The following USP37 variants were observed in gnomAD, a reference collection of about 807,000 sequenced individuals.
The protein encoded by USP37 is ubiquitin carboxyl-terminal hydrolase 37.
USP37 carries 27 observed loss-of-function variants against 124.0 expected under a neutral mutation model. The observed-to-expected ratio is 0.22, with a 90% CI of 0.16 to 0.30. USP37 has a LOEUF of 0.30. Ranked by LOEUF, USP37 falls within the 10% of genes least tolerant of loss-of-function variation. The probability of loss-of-function intolerance (pLI) is 1.00; values close to 1 mark genes in which losing one functional copy is unlikely to be tolerated. For synonymous variants in USP37, 365 were observed against 388.0 expected (o/e 0.94, Z 0.70); for missense variants, 889 against 1,140.4 (o/e 0.78, Z 3.17).
At chr2:218,560,394 C>A (rs1040479856) in intron 3 of USP37, among the ~76,000 whole-genome samples, 4 of 152,146 alleles carry the variant, frequency 2.6e-5, no homozygotes. Context: ...CATAAGTTTT[C>A]TCAACCACAA....
intron 11 of USP37, among the ~76,000 whole-genome samples, chr2:218,508,913 C>CT (rs1305421151): frequency 6.6e-6 from 1 of 152,132 alleles, no homozygotes; most frequent in Non-Finnish European, 1.5e-5. Flanking sequence ...AAAAGCAGTA[C>CT]TTTGAGTGAG....
intron 17 of USP37, among the ~76,000 whole-genome samples, chr2:218,480,398 C>CAAAAA (rs397868988): frequency 3.1e-4 from 15 of 48,854 alleles, no homozygotes; most frequent in Non-Finnish European, 3.4e-4. Flanking sequence ...GACTCCGTCT[C>CAAAAA]AAAAAAAAAA....
chr2:218,544,909 T>C (rs1307370083), intron 8 of USP37, among the ~76,000 whole-genome samples: 1 of 152,166 alleles, frequency 6.6e-6, no homozygotes, highest in Non-Finnish European at 1.5e-5. Context: ...TTAACATGCC[T>C]TTTAGTTTTT....
intron 8 of USP37, among the ~76,000 whole-genome samples, chr2:218,544,056 T>G (rs1168400535): frequency 1.3e-5 from 2 of 151,978 alleles, no homozygotes; most frequent in Non-Finnish European, 2.9e-5. Context: ...GTGACTTTTC[T>G]GCAAATTAGA....
chr2:218,486,035 C>T lies in USP37; in HGVS notation c.1591-292G>A, dbSNP rs535589480. 5.8e-4 allele frequency: 178 copies of T among 304,312 alleles called. 1 individual carries two copies. The highest frequency in any genetic ancestry group is 3.5e-3 in the African/African-American group (162 of 46,068). 18.9% of individuals were successfully genotyped at this position (304,312 alleles called of 1,614,324 possible). On this transcript the variant is annotated intron_variant, in intron 15 of 25. Coordinates refer to ENST00000258399, the MANE Select transcript of USP37 (RefSeq NM_020935.3). ...ATAGAAGATTCTTAGCCTTTTCAGC[C>T]TTTTCCCCATGGACACATATGAACC...
At chr2:218,564,483 C>G (rs1172732721) in intron 1 of USP37, among the ~76,000 whole-genome samples, 2 of 152,190 alleles carry the variant, frequency 1.3e-5, no homozygotes, top group African/African-American at 4.8e-5. Context: ...AGTTCATCCT[C>G]ATCAATGAAT....
intron 6 of USP37, among the ~76,000 whole-genome samples, chr2:218,547,497 C>T (rs897238302): frequency 6.8e-6 from 1 of 146,766 alleles, no homozygotes; most frequent in Non-Finnish European, 1.5e-5. Flanking sequence ...GAGCTTGACA[C>T]TTATTTTCCT....
Position 218,454,676 on chromosome 2 carries a change from T to A in USP37, c.*254A>T. On this transcript the variant is annotated 3_prime_UTR_variant, in exon 26 of 26. Transcript: ENST00000258399. ...CATACACAGATATATATTTACAACA[T>A]GTATTCCTAAGACAAAAGAAGTGCC... 3.8e-6 allele frequency: 2 copies of A among 520,254 alleles called. No individual in the cohort carries two copies. The highest frequency in any genetic ancestry group is 5.1e-5 in the South Asian group (2 of 39,266). 32.2% of individuals were successfully genotyped at this position (520,254 alleles called of 1,614,324 possible). A position where few individuals can be genotyped will look rare whatever the true frequency, so the allele number is the denominator to read the frequency against.
At chr2:218,534,360 A>G (rs1292287697) in intron 9 of USP37, among the ~76,000 whole-genome samples, 1 of 152,126 alleles carries the variant, frequency 6.6e-6, no homozygotes, top group African/African-American at 2.4e-5. Flanking sequence ...ATGATAGAAC[A>G]CACCTGCAGT....
intron 22 of USP37, among the ~76,000 whole-genome samples, chr2:218,460,598 C>A (rs920877706): frequency 1.3e-5 from 2 of 151,976 alleles, no homozygotes; most frequent in Non-Finnish European, 2.9e-5. Context: ...ATAAATTATC[C>A]TCACAGAAAA....
intron 16 of USP37, among the ~76,000 whole-genome samples, chr2:218,483,836 C>T (rs964330214): frequency 9.2e-5 from 14 of 152,154 alleles, no homozygotes; most frequent in Admixed American, 8.5e-4. Context: ...CACTCACAAA[C>T]AGGAAAGAAC....
chr2:218,563,162 TC>T (rs1693402993), intron 1 of USP37, among the ~76,000 whole-genome samples: 2 of 60,808 alleles, frequency 3.3e-5, no homozygotes, highest in African/African-American at 6.9e-5. Flanking sequence ...AAACTCCATC[TC>T]AAAAAAAAAA....
At chr2:218,465,862 A>T (rs1164470324) in intron 21 of USP37, 148 bp downstream of exon 21, 1 of 1,059,668 alleles carries the variant, frequency 9.4e-7, no homozygotes. Context: ...TGCCTCAAAC[A>T]AGTCTTTTTT....
intron 14 of USP37, among the ~76,000 whole-genome samples, chr2:218,488,827 G>T (rs565475767): frequency 6.6e-6 from 1 of 151,830 alleles, no homozygotes; most frequent in East Asian, 2.0e-4. Context: ...TAGAGACGGG[G>T]TTTCTCCATG....
chr2:218,516,068 T>C (rs995494969), intron 10 of USP37, among the ~76,000 whole-genome samples: 4 of 152,128 alleles, frequency 2.6e-5, no homozygotes, highest in African/African-American at 9.7e-5. Flanking sequence ...GAGAAACAGG[T>C]ATGCTTTTAC....
In USP37 at chr2:218,565,149, C is replaced by T. The variant is rs756819035; in HGVS notation, c.-229-2336G>A. Among the ~76,000 whole-genome samples, 111 of 152,284 alleles carry T rather than the reference C, an allele frequency of 7.3e-4. 1 individual carries two copies. The highest frequency in any genetic ancestry group is 1.3e-3 in the Non-Finnish European group (89 of 68,038). Reference sequence around the variant, plus strand: ...TGTTGCCCAGGCTGGTATCGAACTCCGGGGCTCAAGCGATCCGCCCACCTT... The same window carrying T: ...TGTTGCCCAGGCTGGTATCGAACTCTGGGGCTCAAGCGATCCGCCCACCTT... On this transcript the variant is annotated intron_variant, in intron 1 of 25. Transcript: ENST00000258399.
intron 10 of USP37, chr2:218,528,768 A>T (rs946495445): frequency 4.3e-5 from 10 of 231,768 alleles, no homozygotes; most frequent in African/African-American, 2.6e-4. Flanking sequence ...ACAAGTGCTT[A>T]GCAGGTATCT....
At chr2:218,487,833 AAAT>A (rs750710299) in intron 15 of USP37, among the ~76,000 whole-genome samples, 2 of 152,242 alleles carry the variant, frequency 1.3e-5, no homozygotes, top group African/African-American at 2.4e-5. Context: ...AAGCTTTTAA[AAAT>A]AATAATAATT....
At chr2:218,481,587 A>G (rs1245960987) in intron 17 of USP37, among the ~76,000 whole-genome samples, 1 of 152,068 alleles carries the variant, frequency 6.6e-6, no homozygotes, top group Non-Finnish European at 1.5e-5. Context: ...AATTTTAAGC[A>G]TTTTCTTCAA....
Sources: allele counts gnomAD v4.1 joint callset (sites outside exome capture counted in the v4.1 genomes callset), GRCh38; gene constraint gnomAD v4.1.1; transcripts MANE v1.5; gene names NCBI Gene and HGNC (gene_info 2026-07-23, HGNC 2026-07-21).